The following FMN2 variants were observed in gnomAD, a reference collection of about 807,000 sequenced individuals.
The protein encoded by FMN2 is formin-2.
In FMN2, 51 loss-of-function variants were observed where a neutral mutation model predicts 142.3. The ratio of observed to expected loss-of-function variants is 0.36; its 90% CI spans 0.29 to 0.45. The LOEUF is 0.45. FMN2 is among the 20% of genes least tolerant of loss of function. The pLI is 1.00. For missense variants in FMN2, 1,936 were observed against 2,122.8 expected (o/e 0.91, Z 1.73); for synonymous variants, 882 against 869.8 (o/e 1.01, Z -0.25).
intron 6 of FMN2, among the ~76,000 whole-genome samples, chr1:240,245,973 G>A (rs185699333): frequency 1.1e-4 from 17 of 151,988 alleles, no homozygotes; most frequent in African/African-American, 4.1e-4. Flanking sequence ...GAGGTCAGGG[G>A]ATCGAGACCA....
rs1205158577 is a variant in FMN2 at position 240,092,250 on chromosome 1, G to C, written c.141G>C (p.Lys47Asn). 1 of 1,186,454 alleles carries C rather than the reference G, an allele frequency of 8.4e-7. No individual in the cohort carries two copies. Among genetic ancestry groups the C allele is most frequent in the Non-Finnish European group, 1.2e-6 (1 of 829,236 alleles). 73.5% of individuals were successfully genotyped at this position (1,186,454 alleles called of 1,614,324 possible). A position where few individuals can be genotyped will look rare whatever the true frequency, so the allele number is the denominator to read the frequency against. The change falls in exon 1 of 18, where the codon AAG (lysine) becomes AAC (asparagine). Residue 47 changes from lysine to asparagine, a missense_variant. By Grantham distance (94) the Lys-to-Asn change is moderately conservative (BLOSUM62 0). Around this residue, in one of 8 missense-constraint regions of FMN2, gnomAD observed 751 missense variants for 791.8 expected, o/e 0.95. Coordinates refer to ENST00000319653, the MANE Select transcript of FMN2 (RefSeq NM_020066.5). ...GCGGGGGCAAGAAGGCGCTAGGCAA[G>C]CACGGCAAGGGGGGAGGGGGCGGCG... is the stretch of plus-strand genomic sequence containing the variant. ...KGSGGKKALG[K>N]HGKGGGGGGG...
chr1:240,344,733 G>T (rs1009219008), intron 13 of FMN2, among the ~76,000 whole-genome samples: 2 of 152,074 alleles, frequency 1.3e-5, no homozygotes, highest in Admixed American at 6.5e-5. Flanking sequence ...TTTACTGATT[G>T]CCTGCTGTTC....
In FMN2 at chr1:240,257,845, T is replaced by C. The variant is rs548312899; in HGVS notation, c.4066-100T>C. On this transcript the variant is annotated intron_variant, in intron 6 of 17. Transcript: ENST00000319653. Reference sequence around the variant, plus strand: ...TACTTTAGGTAATGACGTGAGATCTTTTCTCTGAATTTGTTCTTCATTTAG... The same window carrying C: ...TACTTTAGGTAATGACGTGAGATCTCTTCTCTGAATTTGTTCTTCATTTAG... The C allele has an allele frequency of 4.3e-5, 42 of 979,802 alleles. 2 individuals carry two copies. In the South Asian group the frequency reaches 5.5e-4, roughly 13 times the overall value. The allele number at this position is 979,802 out of a possible 1,614,324, so 60.7% of individuals were successfully genotyped here. A position where few individuals can be genotyped will look rare whatever the true frequency, so the allele number is the denominator to read the frequency against.
chr1:240,210,204 G>A (rs1328572938), intron 5 of FMN2, among the ~76,000 whole-genome samples: 1 of 152,170 alleles, frequency 6.6e-6, no homozygotes, highest in African/African-American at 2.4e-5. Flanking sequence ...TAGTCATTGA[G>A]ACAATGCTGT....
intron 6 of FMN2, among the ~76,000 whole-genome samples, chr1:240,252,620 C>G (rs987403508): frequency 2.0e-5 from 3 of 150,078 alleles, no homozygotes; most frequent in Admixed American, 6.7e-5. Flanking sequence ...GCTGAGAAAT[C>G]AGCTGTTATT....
chr1:240,401,123 TAA>T (rs58819518), intron 15 of FMN2: 87,048 of 140,076 alleles, frequency 0.62, 26,513 homozygotes, highest in East Asian at 0.8. Flanking sequence ...ACACCCCATC[TAA>T]AAAAAAAAAA....
chr1:240,250,387 C>T (rs1415326194), intron 6 of FMN2, among the ~76,000 whole-genome samples: 4 of 152,102 alleles, frequency 2.6e-5, no homozygotes, highest in Non-Finnish European at 5.9e-5. Flanking sequence ...TGATATATCA[C>T]ATTTATTGAT....
At chr1:240,456,032 G>A (rs1676233392) in intron 16 of FMN2, among the ~76,000 whole-genome samples, 1 of 151,782 alleles carries the variant, frequency 6.6e-6, no homozygotes, top group Non-Finnish European at 1.5e-5. Flanking sequence ...GAAAAGGTAA[G>A]AGCGACATGT....
chr1:240,201,892 G>A (rs1666138850), intron 4 of FMN2, among the ~76,000 whole-genome samples: 1 of 152,182 alleles, frequency 6.6e-6, no homozygotes, highest in Admixed American at 6.5e-5. Context: ...TGAAGCATCT[G>A]TGTCTAAGGT....
chr1:240,182,408 A>T lies in FMN2; in HGVS notation c.1930+4340A>T, dbSNP rs1205573482. Among the ~76,000 whole-genome samples, 3 of 152,142 alleles carry T rather than the reference A, an allele frequency of 2.0e-5. No homozygotes were observed. The East Asian group carries it at 5.8e-4, about 29-fold the overall frequency. ...AAGGCACAGAAAATCCTAGAAGAAA[A>T]TATATGGAAGAGGATCTGGTAGAAA... On this transcript the variant is annotated intron_variant, in intron 3 of 17. Transcript: ENST00000319653.
chr1:240,414,858 T>G (rs1428663045), intron 15 of FMN2, among the ~76,000 whole-genome samples: 2 of 152,194 alleles, frequency 1.3e-5, no homozygotes, highest in Non-Finnish European at 2.9e-5. Flanking sequence ...GGAACCCAAC[T>G]GTAATAGTAA....
rs1667752519 is a variant in FMN2 at position 240,237,561 on chromosome 1, T to G, written c.4066-20384T>G. ...CGCAGCTGGTCTTTTTATCTTGGGA[T>G]GGAATCACTTACAGAATGGGACACG... On this transcript the variant is annotated intron_variant, in intron 6 of 17. Transcript: ENST00000319653. Among the ~76,000 whole-genome samples, 3 of 152,196 alleles carry G rather than the reference T, an allele frequency of 2.0e-5. No homozygotes were observed. The South Asian group carries it at 6.2e-4, about 32-fold the overall frequency.
Position 240,178,685 on chromosome 1 carries a change from C to T in FMN2, c.1930+617C>T, listed in dbSNP as rs949859288. 3.3e-5 allele frequency among the ~76,000 whole-genome samples: 5 copies of T among 152,170 alleles called. No individual in the cohort carries two copies. In the South Asian group the frequency reaches 8.3e-4, roughly 25 times the overall value. ...CTGGGCTCAAGCAGTTCTCCTACCT[C>T]GGTCTCCTAAAGTGCTGGAATTACA... On this transcript the variant is annotated intron_variant, in intron 3 of 17. Transcript: ENST00000319653.
chr1:240,170,189 A>G, intron 2 of FMN2: 1 of 1,191,906 alleles, frequency 8.4e-7, no homozygotes, highest in Non-Finnish European at 1.2e-6. Flanking sequence ...CAGGTTATCA[A>G]GTGCAAGGCT....
At chr1:240,218,712 T>G (rs1235154580) in intron 6 of FMN2, among the ~76,000 whole-genome samples, 1 of 152,004 alleles carries the variant, frequency 6.6e-6, no homozygotes, top group Non-Finnish European at 1.5e-5. Context: ...TGTTGCCCCC[T>G]TTTTTGATCC....
chr1:240,330,816 G>T, intron 11 of FMN2, 67 bp downstream of exon 11: 1 of 1,551,186 alleles, frequency 6.4e-7, no homozygotes, highest in South Asian at 1.2e-5. Flanking sequence ...TAATGGGTTT[G>T]AATGTAAAGC....
intron 4 of FMN2, among the ~76,000 whole-genome samples, chr1:240,190,930 T>G (rs1408568810): frequency 6.6e-6 from 1 of 152,208 alleles, no homozygotes; most frequent in Admixed American, 6.5e-5. Context: ...AAAAAATTAT[T>G]TTTCATGGAA....
rs1666394939 is a variant in FMN2, at chr1:240,207,257, C to G, written c.2445C>G (p.Ser815=). ...TCTCACAGCCTCCACCACCTCCATC[C>G]CTTCTGTGGTCTGCTGGGCAAGGAC... The part of the protein sequence containing the change: ...QSISQPPPPP[S]LLWSAGQGQP... The change falls in exon 5 of 18, where the codon TCC becomes TCG. Residue 815 remains serine (S), a synonymous_variant. Transcript: ENST00000319653. 2 of 1,614,010 alleles carry G rather than the reference C, an allele frequency of 1.2e-6. No individual in the cohort carries two copies. The highest frequency in any genetic ancestry group is 1.7e-6 in the Non-Finnish European group (2 of 1,179,948).
chr1:240,287,013 A>G (rs1669615120), intron 7 of FMN2, among the ~76,000 whole-genome samples: 1 of 152,108 alleles, frequency 6.6e-6, no homozygotes. Flanking sequence ...CCAGATTCCC[A>G]AAATGTTTTG....
Sources: gnomAD v4.1 joint callset for allele counts (sites outside exome capture counted in the v4.1 genomes callset) on GRCh38, gnomAD v4.1.1 for gene constraint, gnomAD v4.1.1 regional missense constraint, MANE v1.5 for transcripts, NCBI Gene and HGNC (gene_info 2026-07-23, HGNC 2026-07-21) for gene names.